EDIL3: variants seen among roughly 807,000 people sequenced by gnomAD.
The protein encoded by EDIL3 is EGF-like repeat and discoidin I-like domain-containing protein 3.
In EDIL3, 37 loss-of-function variants were observed where a neutral mutation model predicts 67.4. The ratio of observed to expected loss-of-function variants is 0.55; its 90% CI spans 0.42 to 0.72. The LOEUF is 0.72. EDIL3 is among the 30% of genes least tolerant of loss of function. The probability of loss-of-function intolerance (pLI) is 0.00; values close to 1 mark genes in which losing one functional copy is unlikely to be tolerated. For missense variants in EDIL3, 527 were observed against 586.3 expected (o/e 0.90, Z 1.04); for synonymous variants, 195 against 196.3 (o/e 0.99, Z 0.05).
At chr5:84,138,655 T>C (rs1379691237) in intron 4 of EDIL3, among the ~76,000 whole-genome samples, 1 of 152,122 alleles carries the variant, frequency 6.6e-6, no homozygotes, top group Non-Finnish European at 1.5e-5. Context: ...ATTTTGCCCT[T>C]TCTTTTGACA....
rs1561449388 is a variant in EDIL3, at chr5:84,160,793, TCC to T, written c.355+19598_355+19599del. 1.9e-3 allele frequency among the ~76,000 whole-genome samples: 256 copies of T among 136,628 alleles called. 3 individuals carry two copies. Among genetic ancestry groups the T allele is most frequent in the African/African-American group, 7.1e-3 (248 of 34,754 alleles). The allele number at this position is 136,628 out of a possible 152,430, so 89.6% of individuals were successfully genotyped here. ...TCCTTTCCTTTCCTTTCCTTTCCTT[TCC>T]TTTCCTTTCCTTTCCTTTCCTTTCC... On this transcript the variant is annotated intron_variant, in intron 4 of 10. Transcript: ENST00000296591.
At chr5:84,264,330 G>A (rs1745302720) in intron 1 of EDIL3, among the ~76,000 whole-genome samples, 5 of 152,206 alleles carry the variant, frequency 3.3e-5, no homozygotes, top group Non-Finnish European at 1.5e-5. Flanking sequence ...AGGACCAGAA[G>A]TTTGAGAAGG....
chr5:84,054,928 A>C (rs545937691), intron 9 of EDIL3, among the ~76,000 whole-genome samples: 1,919 of 145,962 alleles, frequency 0.013, 362 homozygotes, highest in African/African-American at 0.049. Context: ...CAAGCTACCA[A>C]TGACTTTCTT....
intron 1 of EDIL3, among the ~76,000 whole-genome samples, chr5:84,274,259 G>A (rs1039040035): frequency 2.0e-5 from 3 of 151,760 alleles, no homozygotes; most frequent in South Asian, 2.1e-4. Flanking sequence ...TGCCCACCAC[G>A]CCCAGATAAT....
chr5:84,135,936 T>C (rs980426038), intron 5 of EDIL3, among the ~76,000 whole-genome samples: 2 of 152,030 alleles, frequency 1.3e-5, no homozygotes, highest in East Asian at 1.9e-4. Context: ...ATTTTATTTA[T>C]ATATACTTAT....
intron 2 of EDIL3, among the ~76,000 whole-genome samples, chr5:84,247,602 A>G (rs1226145974): frequency 6.6e-6 from 1 of 152,272 alleles, no homozygotes; most frequent in East Asian, 1.9e-4. Context: ...ATTATTAGTG[A>G]CAATATAGGA....
At chr5:83,974,359 G>A (rs193183633) in intron 9 of EDIL3, among the ~76,000 whole-genome samples, 104 of 151,904 alleles carry the variant, frequency 6.8e-4, no homozygotes, top group Non-Finnish European at 2.2e-4. Flanking sequence ...TCAGCAGAGA[G>A]TTTGGAAAAG....
intron 3 of EDIL3, among the ~76,000 whole-genome samples, chr5:84,187,430 A>C (rs1038375700): frequency 2.0e-5 from 3 of 152,130 alleles, no homozygotes; most frequent in African/African-American, 7.2e-5. Context: ...TGAATAGGTT[A>C]ACATTCTCCT....
chr5:83,973,230 T>C (rs1744822474), intron 9 of EDIL3, among the ~76,000 whole-genome samples: 1 of 152,048 alleles, frequency 6.6e-6, no homozygotes, highest in African/African-American at 2.4e-5. Context: ...TTCAGGGTGG[T>C]GGTTAATTGA....
intron 1 of EDIL3, among the ~76,000 whole-genome samples, chr5:84,279,837 C>T (rs188811794): frequency 1.1e-3 from 164 of 152,286 alleles, no homozygotes; most frequent in African/African-American, 3.7e-3. Flanking sequence ...CACATTCTCT[C>T]CAGACACCCA....
At chr5:84,008,136 G>A (rs1745458901) in intron 9 of EDIL3, among the ~76,000 whole-genome samples, 1 of 152,138 alleles carries the variant, frequency 6.6e-6, no homozygotes, top group Non-Finnish European at 1.5e-5. Flanking sequence ...GCTGGAAAGG[G>A]TAGTAGGGGT....
chr5:84,230,713 T>G (rs1207681182), intron 2 of EDIL3, among the ~76,000 whole-genome samples: 1 of 151,338 alleles, frequency 6.6e-6, no homozygotes, highest in Admixed American at 6.6e-5. Context: ...GGCCTGGACT[T>G]TTCTTAAACA....
intron 1 of EDIL3, among the ~76,000 whole-genome samples, chr5:84,314,128 G>A (rs1427953580): frequency 1.3e-5 from 2 of 152,204 alleles, no homozygotes; most frequent in African/African-American, 2.4e-5. Flanking sequence ...CCAGGGAGGC[G>A]GAGGTTGCAG....
chr5:83,974,457 G>A (rs185108577), intron 9 of EDIL3, among the ~76,000 whole-genome samples: 53 of 151,946 alleles, frequency 3.5e-4, no homozygotes, highest in African/African-American at 1.2e-3. Context: ...ACAGAAAGTG[G>A]ACTGCCCCAA....
intron 9 of EDIL3, among the ~76,000 whole-genome samples, chr5:84,006,416 T>C (rs1324022018): frequency 6.6e-6 from 1 of 151,900 alleles, no homozygotes; most frequent in Non-Finnish European, 1.5e-5. Context: ...CTTGCAGCAA[T>C]ATGGTTGGGG....
intron 2 of EDIL3, among the ~76,000 whole-genome samples, chr5:84,253,199 C>T (rs1258169002): frequency 1.3e-5 from 2 of 152,120 alleles, no homozygotes; most frequent in Non-Finnish European, 2.9e-5. Context: ...TTTTTCAAAA[C>T]TATTTCCCCA....
rs1285887919 is a variant in EDIL3, at chr5:84,168,826, C to T, written c.355+11567G>A. ...TTCTTTGCCATCTGCCAGAATCATT[C>T]TCCAAATAGAAATTAGTTCATTTAC... is the stretch of plus-strand genomic sequence containing the variant. On this transcript the variant is annotated intron_variant, in intron 4 of 10. Coordinates refer to ENST00000296591, the MANE Select transcript of EDIL3 (RefSeq NM_005711.5). 2.0e-5 allele frequency among the ~76,000 whole-genome samples: 3 copies of T among 152,302 alleles called. No individual in the cohort carries two copies. The East Asian group carries it at 5.8e-4, about 29-fold the overall frequency.
chr5:84,242,777 G>A (rs113539809), intron 2 of EDIL3, among the ~76,000 whole-genome samples: 1,328 of 122,618 alleles, frequency 0.011, 7 homozygotes, highest in South Asian at 0.019. Context: ...CAGCATAGGC[G>A]ACAGAGACCC....
intron 3 of EDIL3, among the ~76,000 whole-genome samples, chr5:84,207,759 T>G (rs1744016302): frequency 6.6e-6 from 1 of 151,958 alleles, no homozygotes; most frequent in African/African-American, 2.4e-5. Context: ...TACAACTATC[T>G]GATCTTTGAC....
Sources: allele counts gnomAD v4.1 joint callset (sites outside exome capture counted in the v4.1 genomes callset), GRCh38; gene constraint gnomAD v4.1.1; transcripts MANE v1.5; gene names NCBI Gene and HGNC (gene_info 2026-07-23, HGNC 2026-07-21).